The following GRIP1 variants were observed in gnomAD, a reference collection of about 807,000 sequenced individuals.
GRIP1 encodes the protein glutamate receptor-interacting protein 1.
A neutral mutation model predicts 129.9 loss-of-function variants in GRIP1; 45 were observed. That is an observed-to-expected ratio of 0.35 (90% confidence interval 0.27 to 0.44). The LOEUF (loss-of-function observed/expected upper bound fraction) is 0.44, where lower values mean the gene tolerates loss of function less well. Among genes scored for constraint, GRIP1 ranks in the 20% least tolerant of loss-of-function variants. GRIP1 has a pLI of 1.00. For synonymous variants in GRIP1, 530 were observed against 520.8 expected (o/e 1.02, Z -0.24); for missense variants, 1,196 against 1,396.8 (o/e 0.86, Z 2.29).
chr12:66,525,458 A>G (rs991997325), intron 5 of GRIP1, among the ~76,000 whole-genome samples: 8 of 152,206 alleles, frequency 5.3e-5, no homozygotes, highest in Non-Finnish European at 1.0e-4. Flanking sequence ...GATGCAGAAA[A>G]GGCCTTTGAC....
At position 66,353,494 on chromosome 12, in the gene GRIP1, C is replaced by T; in HGVS notation, c.3082G>A (p.Gly1028Arg). ...GGGCGAATATTTTTGACATACACTC[C>T]TTTCTCCAGTAAGCCATCTGCTACA... is the stretch of plus-strand genomic sequence containing the variant. The part of the protein sequence containing the change: ...FSVADGLLEK[G>R]VYVKNIRPAG... Residue 1028 changes from glycine to arginine, a missense_variant, in exon 24 of 25, where the codon GGA (glycine) becomes AGA (arginine). Physicochemically the swap from Gly to Arg is moderately radical, Grantham distance 125. This residue lies in a region of GRIP1 where 427 missense variants were observed against 463.3 expected (regional missense o/e 0.92). Coordinates refer to ENST00000359742, the MANE Select transcript of GRIP1 (RefSeq NM_001366722.1). The T allele has an allele frequency of 2.5e-6, 4 of 1,613,076 alleles. No homozygotes were observed. The highest frequency in any genetic ancestry group is 3.4e-6 in the Non-Finnish European group (4 of 1,179,092).
At chr12:67,066,342 A>G (rs1204463864) in intron 1 of GRIP1, among the ~76,000 whole-genome samples, 1 of 152,064 alleles carries the variant, frequency 6.6e-6, no homozygotes, top group Non-Finnish European at 1.5e-5. Context: ...TAAGATACAT[A>G]CTCCTTCAAA....
chr12:66,410,188 T>C (rs1387798362), intron 15 of GRIP1, among the ~76,000 whole-genome samples: 4 of 122,410 alleles, frequency 3.3e-5, no homozygotes, highest in African/African-American at 1.2e-4. Flanking sequence ...AGGCGGAGCT[T>C]GCAGTGAGCC....
chr12:66,886,655 C>T (rs4913509), intron 1 of GRIP1, among the ~76,000 whole-genome samples: 12,716 of 152,164 alleles, frequency 0.084, 663 homozygotes, highest in Admixed American at 0.17. Flanking sequence ...ACCCTGGACA[C>T]GTGGAACCAC....
At chr12:66,918,898 T>G (rs920151195) in intron 1 of GRIP1, among the ~76,000 whole-genome samples, 2 of 152,216 alleles carry the variant, frequency 1.3e-5, no homozygotes, top group Non-Finnish European at 2.9e-5. Context: ...GAAAAAATTA[T>G]ATTTTCATTT....
At chr12:66,434,293 G>T (rs909073696) in intron 13 of GRIP1, among the ~76,000 whole-genome samples, 2 of 152,048 alleles carry the variant, frequency 1.3e-5, no homozygotes, top group African/African-American at 2.4e-5. Flanking sequence ...CTTCGCTCTG[G>T]TTTTTATTTA....
chr12:66,393,644 C>T (rs748851321), intron 17 of GRIP1, among the ~76,000 whole-genome samples: 2 of 152,146 alleles, frequency 1.3e-5, no homozygotes, highest in Non-Finnish European at 2.9e-5. Context: ...TCCAACAACA[C>T]ATCTCAGAAA....
intron 14 of GRIP1, among the ~76,000 whole-genome samples, chr12:66,425,295 A>G (rs911930316): frequency 1.3e-5 from 2 of 152,156 alleles, no homozygotes; most frequent in Non-Finnish European, 2.9e-5. Context: ...ACCAGTTAGA[A>G]TGGCGATCAT....
chr12:66,870,499 T>A (rs17102995), intron 1 of GRIP1, among the ~76,000 whole-genome samples: 4,463 of 152,242 alleles, frequency 0.029, 127 homozygotes, highest in African/African-American at 0.07. Flanking sequence ...AATATCAATA[T>A]AGTCTGATGT....
At chr12:66,925,907 G>A (rs2041288804) in intron 1 of GRIP1, among the ~76,000 whole-genome samples, 1 of 152,166 alleles carries the variant, frequency 6.6e-6, no homozygotes, top group Non-Finnish European at 1.5e-5. Flanking sequence ...GCCTTCCAAA[G>A]TGCTGGGATT....
chr12:66,966,015 T>A (rs944777512), intron 1 of GRIP1, among the ~76,000 whole-genome samples: 1 of 152,208 alleles, frequency 6.6e-6, no homozygotes, highest in Non-Finnish European at 1.5e-5. Context: ...TGTGACTCTA[T>A]GTATTTTGTC....
chr12:67,049,970 C>CTTTTTTTTT lies in GRIP1; in HGVS notation c.58+19071_58+19079dup, dbSNP rs62802760. 7.9e-4 allele frequency among the ~76,000 whole-genome samples: 100 copies of CTTTTTTTTT among 126,564 alleles called. No homozygotes were observed. In the South Asian group the frequency reaches 9.3e-3, roughly 12 times the overall value. 83.0% of individuals were successfully genotyped at this position (126,564 alleles called of 152,430 possible). A position where few individuals can be genotyped will look rare whatever the true frequency, so the allele number is the denominator to read the frequency against. On this transcript the variant is annotated intron_variant, in intron 1 of 1. Coordinates refer to the GRIP1 transcript ENST00000643019. ...TTGCATTTTTTGCGTATTTGAATTT[C>CTTTTTTTTT]TTTTTTTTTTTTTTTGGTGACTTGT...
intron 1 of GRIP1, among the ~76,000 whole-genome samples, chr12:66,793,266 C>T (rs1473037189): frequency 6.6e-6 from 1 of 152,150 alleles, no homozygotes; most frequent in Non-Finnish European, 1.5e-5. Context: ...GATGGCTGGA[C>T]ATGACACAGG....
chr12:66,524,550 G>A (rs1369282914), intron 5 of GRIP1, among the ~76,000 whole-genome samples: 1 of 151,968 alleles, frequency 6.6e-6, no homozygotes, highest in Non-Finnish European at 1.5e-5. Flanking sequence ...GAAATTTATA[G>A]CACTAAATGC....
chr12:66,536,984 G>A (rs2139174245), intron 4 of GRIP1, among the ~76,000 whole-genome samples: 1 of 152,184 alleles, frequency 6.6e-6, no homozygotes, highest in Non-Finnish European at 1.5e-5. Flanking sequence ...ACACTGGGCA[G>A]CAGTCATATA....
intron 7 of GRIP1, among the ~76,000 whole-genome samples, chr12:66,484,222 A>G (rs1000343467): frequency 6.6e-6 from 1 of 152,152 alleles, no homozygotes; most frequent in Non-Finnish European, 1.5e-5. Context: ...TAGAAATACT[A>G]TTTATACTCT....
intron 2 of GRIP1, among the ~76,000 whole-genome samples, chr12:66,569,853 A>G (rs137863402): frequency 4.2e-4 from 64 of 152,244 alleles, no homozygotes; most frequent in African/African-American, 1.4e-3. Context: ...GTATCAACAG[A>G]ACAGTTTAGA....
intron 1 of GRIP1, among the ~76,000 whole-genome samples, chr12:66,985,187 C>T (rs1566106389): frequency 6.6e-6 from 1 of 152,160 alleles, no homozygotes; most frequent in African/African-American, 2.4e-5. Context: ...TTAGAAGCCA[C>T]ATAGTATCAC....
chr12:66,895,613 A>T (rs1034130862), intron 1 of GRIP1, among the ~76,000 whole-genome samples: 4 of 151,984 alleles, frequency 2.6e-5, no homozygotes, highest in African/African-American at 9.7e-5. Context: ...AATGTTCTCT[A>T]CTGGGCACCA....
Sources: allele counts gnomAD v4.1 joint callset (sites outside exome capture counted in the v4.1 genomes callset), GRCh38; gene constraint gnomAD v4.1.1; regional missense constraint gnomAD v4.1.1; transcripts MANE v1.5; gene names NCBI Gene and HGNC (gene_info 2026-07-23, HGNC 2026-07-21).